The following ERC1 variants were observed in gnomAD, a reference collection of about 807,000 sequenced individuals.
ERC1 encodes the protein ELKS/RAB6-interacting/CAST family member 1, also known as RAB6 interacting protein 2.
ERC1 carries 56 observed loss-of-function variants against 132.0 expected under a neutral mutation model. The ratio of observed to expected loss-of-function variants is 0.42; its 90% CI spans 0.34 to 0.53. The LOEUF (loss-of-function observed/expected upper bound fraction) is 0.53, where lower values mean the gene tolerates loss of function less well. Ranked by LOEUF, ERC1 falls within the 20% of genes least tolerant of loss-of-function variation. The probability of loss-of-function intolerance (pLI) is 0.03; values close to 1 mark genes in which losing one functional copy is unlikely to be tolerated. For missense variants in ERC1, 1,202 were observed against 1,349.9 expected (o/e 0.89, Z 1.72); for synonymous variants, 478 against 476.1 (o/e 1.00, Z -0.05).
intron 7 of ERC1, among the ~76,000 whole-genome samples, chr12:1,131,638 AT>A (rs5795959): frequency 0.93 from 141,554 of 151,686 alleles, 66,810 homozygotes; most frequent in East Asian, 1. Context: ...ATTTTTTTGT[AT>A]TTTTTTTAGT....
intron 1 of ERC1, among the ~76,000 whole-genome samples, chr12:1,023,102 G>A (rs928464128): frequency 5.3e-5 from 8 of 152,270 alleles, no homozygotes; most frequent in Admixed American, 5.2e-4. Flanking sequence ...AGTCTTATGG[G>A]TAGTTCTACA....
intron 12 of ERC1, among the ~76,000 whole-genome samples, chr12:1,227,218 A>G (rs1380282917): frequency 1.3e-5 from 2 of 152,152 alleles, no homozygotes; most frequent in East Asian, 3.9e-4. Context: ...CGTTTTCCAT[A>G]ATGGCTGTGC....
chr12:1,221,590 CAGTT>C (rs1281349215), intron 12 of ERC1, among the ~76,000 whole-genome samples: 1 of 152,026 alleles, frequency 6.6e-6, no homozygotes, highest in Non-Finnish European at 1.5e-5. Flanking sequence ...TTTCTTTAGA[CAGTT>C]AGGAATATGG....
At chr12:1,136,273 A>T (rs938368352) in intron 7 of ERC1, among the ~76,000 whole-genome samples, 4 of 152,184 alleles carry the variant, frequency 2.6e-5, no homozygotes, top group Non-Finnish European at 5.9e-5. Context: ...AGAAGTTAAC[A>T]TCCTTTCTAA....
chr12:1,394,134 C>A (rs1157697235), intron 16 of ERC1, among the ~76,000 whole-genome samples: 3 of 151,362 alleles, frequency 2.0e-5, no homozygotes, highest in Non-Finnish European at 4.4e-5. Flanking sequence ...GGCACAGTGG[C>A]TCACACCTGT....
At chr12:1,350,931 C>T (rs2084936470) in intron 15 of ERC1, among the ~76,000 whole-genome samples, 2 of 152,144 alleles carry the variant, frequency 1.3e-5, no homozygotes, top group African/African-American at 4.8e-5. Context: ...AACCCACTCT[C>T]CTGGGAACTA....
At chr12:1,333,917 CTG>C (rs760821535) in intron 15 of ERC1, among the ~76,000 whole-genome samples, 2 of 152,168 alleles carry the variant, frequency 1.3e-5, no homozygotes, top group Admixed American at 6.5e-5. Context: ...TCGCCAGCAT[CTG>C]TTATTTTTTT....
intron 7 of ERC1, among the ~76,000 whole-genome samples, chr12:1,129,031 G>GA (rs1948485338): frequency 6.6e-6 from 1 of 152,200 alleles, no homozygotes. Flanking sequence ...TGGATAAAGA[G>GA]AATGGGAGGC....
chr12:1,365,232 T>C lies in ERC1; in HGVS notation c.2781-6601T>C, dbSNP rs530942845. Among the ~76,000 whole-genome samples the C allele has an allele frequency of 1.2e-4, 18 of 152,256 alleles. 1 individual carries two copies. The highest frequency in any genetic ancestry group is 4.3e-4 in the African/African-American group (18 of 41,534). ...CAGCTCTTTCTTTCTTTAAATGAAA[T>C]GTAAGTTGCCCAAAGCTCATGGTTT... On this transcript the variant is annotated intron_variant, in intron 15 of 18. Transcript: ENST00000360905.
intron 15 of ERC1, among the ~76,000 whole-genome samples, chr12:1,323,263 A>G (rs1049901962): frequency 2.0e-5 from 3 of 152,184 alleles, no homozygotes; most frequent in African/African-American, 7.2e-5. Flanking sequence ...ATGGGGAAAA[A>G]AAAAGGCTAC....
chr12:1,139,832 T>A (rs1369793329), intron 7 of ERC1, among the ~76,000 whole-genome samples: 1 of 151,902 alleles, frequency 6.6e-6, no homozygotes, highest in African/African-American at 2.4e-5. Flanking sequence ...TCAGAGGTCA[T>A]GCTATGGACA....
intron 13 of ERC1, among the ~76,000 whole-genome samples, chr12:1,262,517 G>C (rs1439872221): frequency 1.3e-5 from 2 of 152,182 alleles, no homozygotes; most frequent in African/African-American, 2.4e-5. Flanking sequence ...TGAAATACTA[G>C]GATGCATCAC....
chr12:1,022,068 G>A (rs1966468987), intron 1 of ERC1, among the ~76,000 whole-genome samples: 1 of 152,100 alleles, frequency 6.6e-6, no homozygotes, highest in African/African-American at 2.4e-5. Context: ...CTATTTATCT[G>A]TTTATTTTAG....
intron 8 of ERC1, among the ~76,000 whole-genome samples, chr12:1,155,667 G>A (rs976123501): frequency 7.2e-5 from 11 of 151,932 alleles, no homozygotes; most frequent in African/African-American, 2.2e-4. Flanking sequence ...TAGTAGAGAC[G>A]GGGTTTCACC....
rs1024865184 is a variant in ERC1 at position 1,494,081 on chromosome 12, G to A, written c.*3851G>A. 1 of 232,192 alleles carries A rather than the reference G, an allele frequency of 4.3e-6. No homozygotes were observed. Among genetic ancestry groups the A allele is most frequent in the African/African-American group, 2.2e-5 (1 of 45,240 alleles). 14.4% of individuals were successfully genotyped at this position (232,192 alleles called of 1,614,324 possible). On this transcript the variant is annotated 3_prime_UTR_variant, in exon 19 of 19. Transcript: ENST00000360905. ...AAGACCCTCAGAGTCTTTGAGGAAAGAGCCAAGCAGAGAAGACCGCTGCGT... is the reference window on the plus strand; with the variant it reads ...AAGACCCTCAGAGTCTTTGAGGAAAAAGCCAAGCAGAGAAGACCGCTGCGT...
intron 15 of ERC1, among the ~76,000 whole-genome samples, chr12:1,338,238 C>T (rs1053748955): frequency 6.6e-6 from 1 of 152,064 alleles, no homozygotes; most frequent in Middle Eastern, 3.2e-3. Context: ...TTCCTTTATA[C>T]TCTCTTTTCT....
chr12:1,307,589 G>A (rs538161272), intron 15 of ERC1, among the ~76,000 whole-genome samples: 6 of 152,252 alleles, frequency 3.9e-5, no homozygotes, highest in Admixed American at 2.0e-4. Context: ...AACCTAAGAC[G>A]GTTCCAGAGC....
At chr12:1,154,217 GTATATGTATATGTATATGTA>G (rs1566097712) in intron 8 of ERC1, among the ~76,000 whole-genome samples, 9 of 61,898 alleles carry the variant, frequency 1.5e-4, no homozygotes, top group African/African-American at 5.0e-4. Context: ...GTGTGTGTAT[GTATATGTATATGTATATGTA>G]TATGTATATG....
At chr12:1,243,998 A>T (rs1012454094) in intron 13 of ERC1, among the ~76,000 whole-genome samples, 1 of 152,210 alleles carries the variant, frequency 6.6e-6, no homozygotes, top group Non-Finnish European at 1.5e-5. Flanking sequence ...CACAGTACCC[A>T]GTAATATCGC....
Sources: gnomAD v4.1 joint callset for allele counts (sites outside exome capture counted in the v4.1 genomes callset) on GRCh38, gnomAD v4.1.1 for gene constraint, MANE v1.5 for transcripts, NCBI Gene and HGNC (gene_info 2026-07-23, HGNC 2026-07-21) for gene names.